PCDH9: variants seen among roughly 807,000 people sequenced by gnomAD.
PCDH9 encodes the protein protocadherin-9.
A neutral mutation model predicts 70.6 loss-of-function variants in PCDH9; 24 were observed. The ratio of observed to expected loss-of-function variants is 0.34; its 90% CI spans 0.25 to 0.48. PCDH9 has a LOEUF of 0.48. Ranked by LOEUF, PCDH9 falls within the 20% of genes least tolerant of loss-of-function variation. The probability of loss-of-function intolerance (pLI) is 0.99; values close to 1 mark genes in which losing one functional copy is unlikely to be tolerated. For synonymous variants in PCDH9, 562 were observed against 558.5 expected, an observed-to-expected ratio of 1.01 and a Z score of -0.09; for missense variants, 1,281 against 1,503.6, an observed-to-expected ratio of 0.85 and a Z score of 2.45.
At chr13:66,414,832 T>G (rs1566307819) in intron 4 of PCDH9, among the ~76,000 whole-genome samples, 1 of 152,186 alleles carries the variant, frequency 6.6e-6, no homozygotes, top group Non-Finnish European at 1.5e-5. Context: ...TAAACAGATT[T>G]GAATTTTAAG....
intron 4 of PCDH9, among the ~76,000 whole-genome samples, chr13:66,546,772 C>T (rs1961222927): frequency 1.3e-5 from 2 of 152,154 alleles, no homozygotes; most frequent in African/African-American, 2.4e-5. Context: ...GGTGAGTGCT[C>T]TGTATAAATG....
At chr13:66,828,158 A>G (rs2080857777) in intron 3 of PCDH9, among the ~76,000 whole-genome samples, 1 of 152,212 alleles carries the variant, frequency 6.6e-6, no homozygotes, top group African/African-American at 2.4e-5. Context: ...ACGTGAAAGT[A>G]CTAATAACTA....
At chr13:66,324,465 T>G (rs759649092) in intron 4 of PCDH9, among the ~76,000 whole-genome samples, 1 of 152,080 alleles carries the variant, frequency 6.6e-6, no homozygotes, top group Non-Finnish European at 1.5e-5. Flanking sequence ...AGGATGAATT[T>G]AGAGCTTCTA....
intron 4 of PCDH9, among the ~76,000 whole-genome samples, chr13:66,461,449 C>A (rs557089017): frequency 6.6e-6 from 1 of 150,946 alleles, no homozygotes; most frequent in South Asian, 2.1e-4. Context: ...GAAAAAAAAG[C>A]TCAGCTAAAT....
intron 4 of PCDH9, among the ~76,000 whole-genome samples, chr13:66,584,362 G>A (rs2076934646): frequency 6.6e-6 from 1 of 152,072 alleles, no homozygotes; most frequent in Non-Finnish European, 1.5e-5. Context: ...TAATCATTGA[G>A]TACAGAATTT....
intron 2 of PCDH9, chr13:66,915,010 A>G (rs1228730381): frequency 6.6e-6 from 1 of 151,712 alleles, no homozygotes; most frequent in Non-Finnish European, 1.5e-5. Flanking sequence ...AAATGATATT[A>G]AAATAAATAC....
intron 4 of PCDH9, among the ~76,000 whole-genome samples, chr13:66,490,071 G>A (rs1196024411): frequency 6.6e-6 from 1 of 152,120 alleles, no homozygotes; most frequent in Non-Finnish European, 1.5e-5. Flanking sequence ...ACATGGGTTT[G>A]GTGCACCCAT....
chr13:66,822,132 A>ATG (rs762728877), intron 3 of PCDH9, among the ~76,000 whole-genome samples: 12 of 53,276 alleles, frequency 2.3e-4, no homozygotes, highest in African/African-American at 4.3e-4. Flanking sequence ...CCCATCACAC[A>ATG]CGCGCACACA....
rs553181347 is a variant in PCDH9 at position 66,953,867 on chromosome 13, C to T, written c.3037-50262G>A. ...CACAGAAGACCAAGAAGATCATACT[C>T]TCTTTCCTGCAGAGATACCGGAAGA... On this transcript the variant is annotated intron_variant, in intron 2 of 4. Transcript: ENST00000377865. Among the ~76,000 whole-genome samples, 4 of 152,292 alleles carry T rather than the reference C, an allele frequency of 2.6e-5. No individual in the cohort carries two copies. In the South Asian group the frequency reaches 6.2e-4, roughly 24 times the overall value.
chr13:67,131,267 G>T (rs1426546421), intron 2 of PCDH9, among the ~76,000 whole-genome samples: 1 of 152,084 alleles, frequency 6.6e-6, no homozygotes, highest in East Asian at 1.9e-4. Flanking sequence ...GATTGTAGAA[G>T]AGATGAAAGA....
chr13:66,533,655 A>C (rs537500147), intron 4 of PCDH9, among the ~76,000 whole-genome samples: 1 of 152,224 alleles, frequency 6.6e-6, no homozygotes, highest in African/African-American at 2.4e-5. Flanking sequence ...ATAAACAAAA[A>C]CCATTGTTAA....
chr13:66,626,165 A>C (rs532685873), intron 4 of PCDH9, among the ~76,000 whole-genome samples: 13 of 152,280 alleles, frequency 8.5e-5, no homozygotes, highest in African/African-American at 3.1e-4. Flanking sequence ...CCTAGACGTT[A>C]AATACATTCA....
chr13:66,736,670 G>T (rs991654747), intron 3 of PCDH9, among the ~76,000 whole-genome samples: 4 of 152,182 alleles, frequency 2.6e-5, no homozygotes, highest in African/African-American at 9.7e-5. Flanking sequence ...ATTGAAAACT[G>T]GTCATTGCAA....
Position 66,631,351 on chromosome 13 carries a change from C to T in PCDH9, c.3199G>A (p.Gly1067Ser). ...DGSQESCSDS[G>S]LGDHEPVGSG... ...CCCACCGGCTCATGGTCTCCTAGAC[C>T]ACTGTCACTGCAGCTTTCCTGGGAG... Residue 1067 changes from glycine to serine, a missense_variant, in exon 4 of 5, where the codon GGT becomes AGT. Gly to Ser is a moderately conservative substitution (Grantham distance 56, BLOSUM62 0). This residue lies in a region of PCDH9 where 264 missense variants were observed against 278.8 expected (regional missense o/e 0.95). Transcript: ENST00000377865. The T allele has an allele frequency of 6.2e-7, 1 of 1,611,784 alleles. No homozygotes were observed. The highest frequency in any genetic ancestry group is 8.5e-7 in the Non-Finnish European group (1 of 1,177,932).
At chr13:66,735,162 A>G (rs1398611239) in intron 3 of PCDH9, among the ~76,000 whole-genome samples, 8 of 152,232 alleles carry the variant, frequency 5.3e-5, no homozygotes. Context: ...AAATTTCAAA[A>G]GAGTATCAGC....
Position 66,443,908 on chromosome 13 carries a change from G to T in PCDH9, c.3341-138880C>A, listed in dbSNP as rs374378944. Among the ~76,000 whole-genome samples, 7 of 151,932 alleles carry T rather than the reference G, an allele frequency of 4.6e-5. No homozygotes were observed. In the East Asian group the frequency reaches 1.4e-3, roughly 29 times the overall value. On this transcript the variant is annotated intron_variant, in intron 4 of 4. Coordinates refer to ENST00000377865, the MANE Select transcript of PCDH9 (RefSeq NM_203487.3). ...GATTTTTTTGGAAATTACTATGAGC[G>T]TTGTTTAACAAATTTCAAATTTCTT...
At chr13:66,976,616 C>T (rs1439629503) in intron 2 of PCDH9, among the ~76,000 whole-genome samples, 1 of 151,920 alleles carries the variant, frequency 6.6e-6, no homozygotes, top group African/African-American at 2.4e-5. Context: ...GGCTCAAGAC[C>T]AATATGAACA....
intron 4 of PCDH9, among the ~76,000 whole-genome samples, chr13:66,605,197 T>C (rs2077208827): frequency 6.6e-6 from 1 of 152,046 alleles, no homozygotes; most frequent in African/African-American, 2.4e-5. Flanking sequence ...TTTGTAATAG[T>C]TTCTAAATAT....
intron 3 of PCDH9, among the ~76,000 whole-genome samples, chr13:66,801,742 G>A (rs1399549941): frequency 2.6e-5 from 4 of 151,950 alleles, no homozygotes; most frequent in African/African-American, 7.2e-5. Context: ...ATCTATGTAC[G>A]TTCTTCAAAT....
Sources: gnomAD v4.1 joint callset for allele counts (sites outside exome capture counted in the v4.1 genomes callset) on GRCh38, gnomAD v4.1.1 for gene constraint, gnomAD v4.1.1 regional missense constraint, MANE v1.5 for transcripts, NCBI Gene and HGNC (gene_info 2026-07-23, HGNC 2026-07-21) for gene names.